IGSF21: variants seen among roughly 807,000 people sequenced by gnomAD.
The protein encoded by IGSF21 is immunoglobulin superfamily member 21.
Under a neutral mutation model 46.8 loss-of-function variants are expected in IGSF21, and 28 were observed. The observed-to-expected ratio is 0.60, with a 90% CI of 0.44 to 0.82. The LOEUF (loss-of-function observed/expected upper bound fraction) is 0.82. IGSF21 is among the 40% of genes least tolerant of loss of function. The probability of loss-of-function intolerance (pLI) is 0.00; values close to 1 mark genes in which losing one functional copy is unlikely to be tolerated. For missense variants in IGSF21, 624 were observed against 665.5 expected (o/e 0.94, Z 0.69); for synonymous variants, 284 against 273.6 (o/e 1.04, Z -0.38).
intron 1 of IGSF21, among the ~76,000 whole-genome samples, chr1:18,124,705 T>C (rs1160212392): frequency 6.6e-6 from 1 of 152,258 alleles, no homozygotes; most frequent in African/African-American, 2.4e-5. Flanking sequence ...CTCTGCTGTG[T>C]TGTCTCTGGC....
rs74972700 is a variant in IGSF21, at chr1:18,238,722, G to A, written c.183+10712G>A. Among the ~76,000 whole-genome samples the A allele has an allele frequency of 4.1e-4, 63 of 152,206 alleles. No individual in the cohort carries two copies. The East Asian group carries it at 8.0e-3, about 19-fold the overall frequency. On this transcript the variant is annotated intron_variant, in intron 2 of 9. Coordinates refer to ENST00000251296, the MANE Select transcript of IGSF21 (RefSeq NM_032880.5). The stretch of plus-strand genomic sequence containing the variant: ...AGTGATGGGCTCCCACACTGCATGG[G>A]TGAGAAAGACACGGCATATCTAAGG...
chr1:18,375,398 C>A (rs1557667468), intron 6 of IGSF21, among the ~76,000 whole-genome samples: 3 of 152,142 alleles, frequency 2.0e-5, no homozygotes, highest in African/African-American at 4.8e-5. Flanking sequence ...CTTGGATAAG[C>A]CTCTACATTA....
intron 2 of IGSF21, among the ~76,000 whole-genome samples, chr1:18,240,268 G>A: frequency 6.6e-6 from 1 of 152,198 alleles, no homozygotes; most frequent in East Asian, 1.9e-4. Context: ...AGGACAGAAA[G>A]AGACCCTGTC....
At chr1:18,225,585 G>A (rs1382475538) in intron 1 of IGSF21, among the ~76,000 whole-genome samples, 1 of 152,136 alleles carries the variant, frequency 6.6e-6, no homozygotes, top group Non-Finnish European at 1.5e-5. Context: ...GGACCTTCAT[G>A]AGCCTTGATC....
intron 1 of IGSF21, among the ~76,000 whole-genome samples, chr1:18,210,666 T>G (rs1257861071): frequency 6.6e-6 from 1 of 152,124 alleles, no homozygotes; most frequent in Non-Finnish European, 1.5e-5. Context: ...TGGAGCCAGA[T>G]GACTCTTGGT....
chr1:18,217,740 G>A (rs1378177582), intron 1 of IGSF21, among the ~76,000 whole-genome samples: 2 of 152,182 alleles, frequency 1.3e-5, no homozygotes, highest in Non-Finnish European at 2.9e-5. Flanking sequence ...AAGCAAGGGG[G>A]AGTGGGTTGC....
intron 4 of IGSF21, among the ~76,000 whole-genome samples, chr1:18,359,924 G>C (rs1471980072): frequency 6.6e-6 from 1 of 152,214 alleles, no homozygotes; most frequent in African/African-American, 2.4e-5. Flanking sequence ...CTGGGCTCTG[G>C]AGTCAGACTG....
At chr1:18,177,619 G>T (rs1370120685) in intron 1 of IGSF21, among the ~76,000 whole-genome samples, 1 of 151,916 alleles carries the variant, frequency 6.6e-6, no homozygotes, top group Non-Finnish European at 1.5e-5. Context: ...GATGTGGTGT[G>T]CATTTCCTTA....
At chr1:18,178,251 T>C (rs1475048901) in intron 1 of IGSF21, among the ~76,000 whole-genome samples, 1 of 152,166 alleles carries the variant, frequency 6.6e-6, no homozygotes, top group Non-Finnish European at 1.5e-5. Flanking sequence ...TCAGATATTC[T>C]CGTTATCCCC....
At chr1:18,195,982 G>T (rs930922067) in intron 1 of IGSF21, among the ~76,000 whole-genome samples, 3 of 152,206 alleles carry the variant, frequency 2.0e-5, no homozygotes, top group African/African-American at 7.2e-5. Context: ...GGGCAAAAGC[G>T]AGAGCTCAGC....
At chr1:18,247,847 T>C (rs1322085594) in intron 2 of IGSF21, among the ~76,000 whole-genome samples, 1 of 152,166 alleles carries the variant, frequency 6.6e-6, no homozygotes, top group Non-Finnish European at 1.5e-5. Flanking sequence ...AATCATTTGC[T>C]CAAGATCCCA....
In IGSF21 at chr1:18,140,666, C is replaced by T. The variant is rs541230934; in HGVS notation, c.70+32468C>T. ...CCTTCCCATTCCTCTTCACCTGGCT[C>T]ATGCCAAGACATCCTTCTGGACTCA... On this transcript the variant is annotated intron_variant, in intron 1 of 9. Transcript: ENST00000251296. Among the ~76,000 whole-genome samples the T allele has an allele frequency of 1.7e-4, 26 of 152,350 alleles. No individual in the cohort carries two copies. In the East Asian group the frequency reaches 4.6e-3, roughly 27 times the overall value.
At chr1:18,323,500 C>G (rs1260051817) in intron 3 of IGSF21, among the ~76,000 whole-genome samples, 1 of 152,200 alleles carries the variant, frequency 6.6e-6, no homozygotes, top group Non-Finnish European at 1.5e-5. Flanking sequence ...GTTGTCCCCT[C>G]GTTCTCACCC....
chr1:18,151,624 C>T (rs1202112621), intron 1 of IGSF21, among the ~76,000 whole-genome samples: 4 of 152,062 alleles, frequency 2.6e-5, no homozygotes, highest in African/African-American at 7.2e-5. Flanking sequence ...ATAATTCACA[C>T]CATGGTAGAG....
intron 2 of IGSF21, among the ~76,000 whole-genome samples, chr1:18,259,409 C>T (rs2084920252): frequency 6.6e-6 from 1 of 152,140 alleles, no homozygotes; most frequent in South Asian, 2.1e-4. Context: ...TCCACCCTGT[C>T]CCAGAATCAT....
chr1:18,155,892 G>A (rs1003799963), intron 1 of IGSF21, among the ~76,000 whole-genome samples: 2 of 152,244 alleles, frequency 1.3e-5, no homozygotes, highest in Non-Finnish European at 2.9e-5. Flanking sequence ...AAGTGTGGTC[G>A]GTCAGGAGGC....
intron 1 of IGSF21, among the ~76,000 whole-genome samples, chr1:18,150,208 A>G (rs759380331): frequency 9.9e-5 from 15 of 152,192 alleles, no homozygotes; most frequent in Non-Finnish European, 2.1e-4. Context: ...AGCTATGATC[A>G]TGCCACTGCA....
At chr1:18,227,229 T>C (rs1276987867) in intron 1 of IGSF21, among the ~76,000 whole-genome samples, 1 of 152,074 alleles carries the variant, frequency 6.6e-6, no homozygotes, top group African/African-American at 2.4e-5. Context: ...GGAAAGCCAA[T>C]GGAGGGTGTT....
intron 1 of IGSF21, among the ~76,000 whole-genome samples, chr1:18,108,449 C>T (rs1374737615): frequency 2.0e-5 from 3 of 151,042 alleles, no homozygotes; most frequent in South Asian, 4.2e-4. Flanking sequence ...TGAGGGTGTC[C>T]GGGAAGGAGC....
Sources: allele counts gnomAD v4.1 joint callset (sites outside exome capture counted in the v4.1 genomes callset), GRCh38; gene constraint gnomAD v4.1.1; transcripts MANE v1.5; gene names NCBI Gene and HGNC (gene_info 2026-07-23, HGNC 2026-07-21).